SYNPR: variants seen among roughly 807,000 people sequenced by gnomAD.
The protein encoded by SYNPR is synaptoporin.
In SYNPR, 23 loss-of-function variants were observed where a neutral mutation model predicts 32.9. The ratio of observed to expected loss-of-function variants is 0.70; its 90% CI spans 0.50 to 0.99. SYNPR has a LOEUF of 0.99. Ranked by LOEUF, SYNPR falls within the 50% of genes least tolerant of loss-of-function variation. The pLI, the probability that SYNPR is intolerant of heterozygous loss-of-function variation, is 0.00. For missense variants in SYNPR, 318 were observed against 349.3 expected (o/e 0.91, Z 0.71); for synonymous variants, 146 against 135.9 (o/e 1.07, Z -0.52).
chr3:63,428,423 G>A (rs1699928534), intron 2 of SYNPR, among the ~76,000 whole-genome samples: 1 of 152,224 alleles, frequency 6.6e-6, no homozygotes, highest in Non-Finnish European at 1.5e-5. Context: ...TTCACTGTAT[G>A]AAACATAAGA....
upstream of SYNPR, among the ~76,000 whole-genome samples, chr3:63,227,485 G>A (rs544031962): frequency 5.9e-5 from 9 of 152,170 alleles, no homozygotes; most frequent in African/African-American, 9.6e-5. Context: ...ACCAAACTAC[G>A]GTCACTTAAT....
chr3:63,216,839 T>C, the SYNPR span, among the ~76,000 whole-genome samples: 1 of 51,400 alleles, frequency 1.9e-5, no homozygotes, highest in East Asian at 2.5e-4. Flanking sequence ...TCTTTGTGGT[T>C]TTATCTGCTT....
At chr3:63,389,392 C>T (rs2088101039) in intron 2 of SYNPR, among the ~76,000 whole-genome samples, 1 of 152,208 alleles carries the variant, frequency 6.6e-6, no homozygotes, top group African/African-American at 2.4e-5. Flanking sequence ...CATTCTCAGG[C>T]AGGCTCTCCC....
intron 1 of SYNPR, among the ~76,000 whole-genome samples, chr3:63,232,109 T>C (rs963246061): frequency 6.6e-6 from 1 of 151,396 alleles, no homozygotes; most frequent in Non-Finnish European, 1.5e-5. Flanking sequence ...TGCAGGAGGA[T>C]ATATGGGATT....
At chr3:63,276,988 TG>T (rs557569635), upstream of SYNPR, among the ~76,000 whole-genome samples, 2 of 152,230 alleles carry the variant, frequency 1.3e-5, no homozygotes, top group Admixed American at 1.3e-4. Context: ...CTATCTGTGT[TG>T]CTGGGAGACC....
At chr3:63,587,461 T>C (rs537527008) in intron 4 of SYNPR, among the ~76,000 whole-genome samples, 2 of 152,170 alleles carry the variant, frequency 1.3e-5, no homozygotes, top group Admixed American at 6.6e-5. Context: ...AGATTACCAG[T>C]AGTGTAGAAT....
chr3:63,208,048 C>T, the SYNPR span, among the ~76,000 whole-genome samples: 3 of 96,424 alleles, frequency 3.1e-5, no homozygotes, highest in Non-Finnish European at 8.0e-5. Flanking sequence ...CACACACAAA[C>T]ACACACACAC....
At chr3:63,510,253 G>T (rs1701671130) in intron 3 of SYNPR, among the ~76,000 whole-genome samples, 1 of 152,092 alleles carries the variant, frequency 6.6e-6, no homozygotes, top group Non-Finnish European at 1.5e-5. Flanking sequence ...TCAAACCCAG[G>T]TCACCCTATC....
intron 3 of SYNPR, among the ~76,000 whole-genome samples, chr3:63,483,442 T>C (rs887370584): frequency 1.3e-5 from 2 of 152,184 alleles, no homozygotes; most frequent in Non-Finnish European, 2.9e-5. Context: ...TGTGTATGTA[T>C]ATGTGTGTAA....
chr3:63,529,374 T>G (rs1702071231), intron 3 of SYNPR, among the ~76,000 whole-genome samples: 1 of 152,248 alleles, frequency 6.6e-6, no homozygotes, highest in African/African-American at 2.4e-5. Flanking sequence ...TACTGTTATT[T>G]CTAAATTGGG....
chr3:63,557,790 T>C (rs183848277), intron 4 of SYNPR, among the ~76,000 whole-genome samples: 155 of 152,246 alleles, frequency 1.0e-3, no homozygotes, highest in Admixed American at 4.1e-3. Flanking sequence ...CATTTACATC[T>C]AAAAAAGGAA....
At chr3:63,524,242 G>A (rs1399909669) in intron 3 of SYNPR, among the ~76,000 whole-genome samples, 2 of 151,934 alleles carry the variant, frequency 1.3e-5, no homozygotes, top group African/African-American at 2.4e-5. Context: ...GAATATCACC[G>A]AAAAAAATCA....
At chr3:63,272,581 T>C (rs1250016697) in intron 3 of SYNPR, among the ~76,000 whole-genome samples, 1 of 151,742 alleles carries the variant, frequency 6.6e-6, no homozygotes, top group African/African-American at 2.4e-5. Context: ...GTAACACTTG[T>C]TTTATCTAGG....
intron 4 of SYNPR, among the ~76,000 whole-genome samples, chr3:63,558,069 T>C (rs1244832336): frequency 5.3e-5 from 8 of 152,208 alleles, no homozygotes; most frequent in African/African-American, 4.8e-5. Context: ...TTGTTATAAA[T>C]TGAGTCAGCC....
chr3:63,479,856 C>T (rs957224750), intron 2 of SYNPR, among the ~76,000 whole-genome samples: 1 of 152,186 alleles, frequency 6.6e-6, no homozygotes, highest in African/African-American at 2.4e-5. Flanking sequence ...GACTTCTGTG[C>T]AATAACTCCT....
At chr3:63,313,346 C>CT (rs947631500) in intron 2 of SYNPR, among the ~76,000 whole-genome samples, 1 of 151,604 alleles carries the variant, frequency 6.6e-6, no homozygotes, top group Non-Finnish European at 1.5e-5. Context: ...CTGTTGTAGT[C>CT]TTTTATCCCT....
rs111283012 is a variant in SYNPR at position 63,484,849 on chromosome 3, C to T, written c.209+3893C>T. On this transcript the variant is annotated intron_variant, in intron 3 of 5. Transcript: ENST00000478300. ...ACTGTTTGGAGCATGGTGAATACAA[C>T]GAAAATTTATCAAGGACAAAAGTGA... Among the ~76,000 whole-genome samples the T allele has an allele frequency of 2.0e-3, 310 of 152,036 alleles. 1 individual carries two copies. Among genetic ancestry groups the T allele is most frequent in the African/African-American group, 6.6e-3 (274 of 41,484 alleles).
chr3:63,396,875 C>T (rs2088221393), intron 2 of SYNPR, among the ~76,000 whole-genome samples: 1 of 152,058 alleles, frequency 6.6e-6, no homozygotes. Flanking sequence ...AAGGCCGAGG[C>T]GGGTGGATCA....
chr3:63,494,108 T>A (rs566287829), intron 3 of SYNPR, among the ~76,000 whole-genome samples: 2 of 151,928 alleles, frequency 1.3e-5, no homozygotes, highest in African/African-American at 4.8e-5. Context: ...TAAAAAATTT[T>A]TAGGTACCAT....
Sources: allele counts gnomAD v4.1 joint callset (sites outside exome capture counted in the v4.1 genomes callset), GRCh38; gene constraint gnomAD v4.1.1; transcripts MANE v1.5; gene names NCBI Gene and HGNC (gene_info 2026-07-23, HGNC 2026-07-21).